Variants in FAM227B observed in about 807,000 individuals in gnomAD.
The protein encoded by FAM227B is family with sequence similarity 227 member B.
In FAM227B, 88 loss-of-function variants were observed where a neutral mutation model predicts 73.8. The ratio of observed to expected loss-of-function variants is 1.19; its 90% CI spans 1.00 to 1.42. FAM227B has a LOEUF of 1.42. Ranked by LOEUF, FAM227B falls within the 40% of genes most tolerant of loss-of-function variation. The pLI, the probability that FAM227B is intolerant of heterozygous loss-of-function variation, is 0.00. For missense variants in FAM227B, 632 were observed against 590.9 expected, an observed-to-expected ratio of 1.07 and a Z score of -0.72; for synonymous variants, 210 against 190.5, an observed-to-expected ratio of 1.10 and a Z score of -0.84.
intron 9 of FAM227B, among the ~76,000 whole-genome samples, chr15:49,551,488 T>A (rs2073013906): frequency 6.6e-6 from 1 of 152,210 alleles, no homozygotes; most frequent in African/African-American, 2.4e-5. Context: ...TCTATGTGTA[T>A]CTTTATAGGT....
At chr15:49,419,153 C>T (rs983661901) in intron 11 of FAM227B, among the ~76,000 whole-genome samples, 2 of 152,038 alleles carry the variant, frequency 1.3e-5, no homozygotes, top group Admixed American at 1.3e-4. Flanking sequence ...CCTTATGGAC[C>T]TATTTGTTCA....
chr15:49,522,519 A>C (rs1267246289), intron 10 of FAM227B, among the ~76,000 whole-genome samples: 1 of 152,206 alleles, frequency 6.6e-6, no homozygotes, highest in African/African-American at 2.4e-5. Context: ...ATAAGACCCA[A>C]GACAAAGTTG....
intron 3 of FAM227B, among the ~76,000 whole-genome samples, chr15:49,602,328 T>A (rs577354682): frequency 2.6e-5 from 4 of 151,938 alleles, no homozygotes; most frequent in African/African-American, 9.6e-5. Flanking sequence ...CTTTTGGATA[T>A]AAGCCATTTT....
chr15:49,530,674 T>C lies in FAM227B; in HGVS notation c.874+11006A>G, dbSNP rs181576697. On this transcript the variant is annotated intron_variant, in intron 10 of 15. Coordinates refer to ENST00000299338, the MANE Select transcript of FAM227B (RefSeq NM_152647.3). ...AATTGCTCCAATATTAAATTATTAG[T>C]AGCTAAAATACCAAAAACTATTTAT... 1.8e-4 allele frequency among the ~76,000 whole-genome samples: 28 copies of C among 151,894 alleles called. No individual in the cohort carries two copies. In the East Asian group the frequency reaches 5.0e-3, roughly 27 times the overall value.
chr15:49,598,593 C>T (rs914411075), intron 3 of FAM227B, among the ~76,000 whole-genome samples: 2 of 151,914 alleles, frequency 1.3e-5, no homozygotes, highest in Admixed American at 6.6e-5. Flanking sequence ...CTTTCATATA[C>T]GGTCCTTATA....
At chr15:49,465,302 T>A in intron 11 of FAM227B, among the ~76,000 whole-genome samples, 1 of 127,426 alleles carries the variant, frequency 7.8e-6, no homozygotes, top group East Asian at 2.7e-4. Flanking sequence ...GCTTTTCTTT[T>A]TCTTTTTTTT....
intron 13 of FAM227B, among the ~76,000 whole-genome samples, chr15:49,357,563 C>T (rs1195244661): frequency 6.6e-6 from 1 of 151,496 alleles, no homozygotes; most frequent in Non-Finnish European, 1.5e-5. Context: ...CTGAACAGAC[C>T]AATAACAGGA....
chr15:49,534,511 T>C (rs986542503), intron 10 of FAM227B, among the ~76,000 whole-genome samples: 2 of 151,694 alleles, frequency 1.3e-5, no homozygotes, highest in African/African-American at 4.8e-5. Flanking sequence ...TGGATAGCAA[T>C]ACAATAATAA....
In FAM227B at chr15:49,391,863, G is replaced by A. The variant is rs553907585; in HGVS notation, c.1013-20464C>T. On this transcript the variant is annotated intron_variant, in intron 11 of 15. Transcript: ENST00000299338. ...AAGAGCCCTTGCTTATAGGCCATTGGGGAGGCCAGCTCTTAAGGATTAGCT... is the reference window on the plus strand; with the variant it reads ...AAGAGCCCTTGCTTATAGGCCATTGAGGAGGCCAGCTCTTAAGGATTAGCT... Among the ~76,000 whole-genome samples the A allele has an allele frequency of 1.6e-3, 239 of 152,188 alleles. 1 individual carries two copies. Among genetic ancestry groups the A allele is most frequent in the Non-Finnish European group, 1.9e-3 (128 of 68,002 alleles).
intron 2 of FAM227B, chr15:49,614,846 C>A (rs1474717233): frequency 8.1e-6 from 3 of 369,880 alleles, no homozygotes; most frequent in Non-Finnish European, 1.5e-5. Context: ...GGTTACATTT[C>A]TTCCTTGCTA....
At chr15:49,431,968 A>G (rs937403321) in intron 11 of FAM227B, among the ~76,000 whole-genome samples, 45 of 151,670 alleles carry the variant, frequency 3.0e-4, no homozygotes, top group African/African-American at 1.1e-3. Context: ...ATGATAATAA[A>G]TTATTACAGG....
At chr15:49,474,795 T>C (rs1389614531) in intron 11 of FAM227B, among the ~76,000 whole-genome samples, 5 of 152,192 alleles carry the variant, frequency 3.3e-5, no homozygotes, top group Middle Eastern at 3.4e-3. Context: ...GTGAACTGCA[T>C]ATGCCAGGGA....
intron 11 of FAM227B, among the ~76,000 whole-genome samples, chr15:49,436,440 T>A (rs559469270): frequency 6.6e-6 from 1 of 151,694 alleles, no homozygotes; most frequent in Admixed American, 6.6e-5. Context: ...ACTAAAAGAC[T>A]GTGTAGAGGA....
rs949446992 is a variant in FAM227B at position 49,371,381 on chromosome 15, A to G, written c.1031T>C (p.Ile344Thr). 1.9e-6 allele frequency: 3 copies of G among 1,571,624 alleles called. No individual in the cohort carries two copies. Among genetic ancestry groups the G allele is most frequent in the African/African-American group, 2.7e-5 (2 of 73,166 alleles). The change falls in exon 12 of 16, where the codon ATA becomes ACA. Residue 344 changes from isoleucine to threonine, a missense_variant. Physicochemically the swap from Ile to Thr is moderately conservative, Grantham distance 89. Transcript: ENST00000299338. ...TGCTCTTGGGTTGTTCAGAATCTTTATAATATTGAAGTCGATACCTAAAAC... is the reference window on the plus strand; with the variant it reads ...TGCTCTTGGGTTGTTCAGAATCTTTGTAATATTGAAGTCGATACCTAAAAC... Reference protein sequence around the residue: ...HISTSIDFNIIKILNNPRAYT... With the variant: ...HISTSIDFNITKILNNPRAYT...
intron 11 of FAM227B, among the ~76,000 whole-genome samples, chr15:49,391,920 T>C (rs1282753536): frequency 6.6e-6 from 1 of 152,070 alleles, no homozygotes; most frequent in East Asian, 1.9e-4. Flanking sequence ...ACCCTGCAAA[T>C]AAATGCCCTC....
At chr15:49,399,596 C>T (rs988260446) in intron 11 of FAM227B, among the ~76,000 whole-genome samples, 60 of 150,860 alleles carry the variant, frequency 4.0e-4, no homozygotes, top group Non-Finnish European at 7.0e-4. Context: ...TGCAAAAATC[C>T]TCAATAAAAT....
At chr15:49,395,413 AG>A (rs1012645297) in intron 11 of FAM227B, among the ~76,000 whole-genome samples, 1 of 152,190 alleles carries the variant, frequency 6.6e-6, no homozygotes, top group African/African-American at 2.4e-5. Context: ...ACAACGGGCA[AG>A]GGAGAGGCTA....
chr15:49,559,865 G>C (rs527977642), intron 9 of FAM227B, among the ~76,000 whole-genome samples: 14 of 152,016 alleles, frequency 9.2e-5, no homozygotes, highest in Admixed American at 9.2e-4. Flanking sequence ...AACCTGAAAG[G>C]TGGAGACTGC....
chr15:49,569,053 C>T (rs1364054663), intron 8 of FAM227B, among the ~76,000 whole-genome samples: 4 of 151,856 alleles, frequency 2.6e-5, no homozygotes, highest in African/African-American at 9.7e-5. Flanking sequence ...GATTTAATCT[C>T]CTTAATAGTT....
Sources: allele counts gnomAD v4.1 joint callset (sites outside exome capture counted in the v4.1 genomes callset), GRCh38; gene constraint gnomAD v4.1.1; transcripts MANE v1.5; gene names NCBI Gene and HGNC (gene_info 2026-07-23, HGNC 2026-07-21).